Variants in SLC15A1 observed in about 807,000 individuals in gnomAD.
SLC15A1 encodes the protein solute carrier family 15 member 1.
SLC15A1 carries 83 observed loss-of-function variants against 92.9 expected under a neutral mutation model. That is an observed-to-expected ratio of 0.89 (90% CI 0.75 to 1.07). The LOEUF (loss-of-function observed/expected upper bound fraction) is 1.07, where lower values mean the gene tolerates loss of function less well. Among genes scored for constraint, SLC15A1 ranks in the 50% least tolerant of loss-of-function variants. The pLI is 0.00. For synonymous variants in SLC15A1, 322 were observed against 318.2 expected (o/e 1.01, Z -0.13); for missense variants, 857 against 880.1 (o/e 0.97, Z 0.33).
chr13:98,702,394 T>C (rs1414461456), intron 18 of SLC15A1, 86 bp downstream of exon 18: 4 of 923,900 alleles, frequency 4.3e-6, no homozygotes, highest in Middle Eastern at 2.4e-4. Context: ...TCATTTTATA[T>C]CCTTGTTACA....
chr13:98,697,906 C>A (rs2088036246), intron 18 of SLC15A1, among the ~76,000 whole-genome samples: 8 of 152,178 alleles, frequency 5.3e-5, no homozygotes, highest in Admixed American at 4.6e-4. Flanking sequence ...AGAGCCAGTG[C>A]TCCTGTTAGC....
rs142825863 is a variant in SLC15A1 at position 98,725,274 on chromosome 13, C to T, written c.245+849G>A. Among the ~76,000 whole-genome samples the T allele has an allele frequency of 2.4e-3, 373 of 152,300 alleles. 1 individual carries two copies. Among genetic ancestry groups the T allele is most frequent in the African/African-American group, 8.2e-3 (342 of 41,576 alleles). On this transcript the variant is annotated intron_variant, in intron 4 of 22. Coordinates refer to ENST00000376503, the MANE Select transcript of SLC15A1 (RefSeq NM_005073.4). The stretch of plus-strand genomic sequence containing the variant: ...AGCCTCAGGTATTCCTTTATAGCAA[C>T]ACAAGTGGACTAAGACAGCCCACGT...
intron 16 of SLC15A1, among the ~76,000 whole-genome samples, chr13:98,704,956 T>C (rs1358645236): frequency 6.6e-6 from 1 of 152,030 alleles, no homozygotes; most frequent in Non-Finnish European, 1.5e-5. Flanking sequence ...CCCAGCACTT[T>C]GGGAGGCTGA....
chr13:98,744,079 A>G (rs1432780355), intron 1 of SLC15A1, among the ~76,000 whole-genome samples: 1 of 152,056 alleles, frequency 6.6e-6, no homozygotes, highest in Admixed American at 6.5e-5. Context: ...ACCTCTACAA[A>G]AAATAACAAA....
chr13:98,707,872 G>A (rs1262982985), intron 15 of SLC15A1, among the ~76,000 whole-genome samples: 4 of 124,082 alleles, frequency 3.2e-5, no homozygotes, highest in African/African-American at 3.2e-5. Flanking sequence ...CAGCCTAGGC[G>A]ACAGAGTGAG....
At chr13:98,727,865 AC>A (rs2088315652) in intron 1 of SLC15A1, among the ~76,000 whole-genome samples, 1 of 152,190 alleles carries the variant, frequency 6.6e-6, no homozygotes. Flanking sequence ...GGCTCCCTGA[AC>A]ATGCTCCACC....
chr13:98,707,581 G>A (rs2088122582), intron 15 of SLC15A1, among the ~76,000 whole-genome samples: 1 of 152,090 alleles, frequency 6.6e-6, no homozygotes, highest in Non-Finnish European at 1.5e-5. Flanking sequence ...ACAATGGAAA[G>A]GTACTTAACG....
intron 18 of SLC15A1, among the ~76,000 whole-genome samples, chr13:98,700,938 T>G (rs1022331222): frequency 2.0e-5 from 3 of 152,236 alleles, no homozygotes. Flanking sequence ...TGTAACTTTA[T>G]AGTAAGTTTG....
intron 1 of SLC15A1, among the ~76,000 whole-genome samples, chr13:98,746,110 C>T (rs143036725): frequency 3.3e-5 from 5 of 152,254 alleles, no homozygotes; most frequent in East Asian, 3.9e-4. Context: ...GCTGCTTATA[C>T]GTGGGAAAAT....
intron 7 of SLC15A1, chr13:98,721,083 C>T (rs1163850452): frequency 4.3e-6 from 2 of 470,526 alleles, no homozygotes; most frequent in African/African-American, 4.0e-5. Context: ...AAAATCAATA[C>T]AATTTTGCCC....
At chr13:98,743,037 G>A (rs577160729) in intron 1 of SLC15A1, among the ~76,000 whole-genome samples, 13 of 152,286 alleles carry the variant, frequency 8.5e-5, no homozygotes, top group Admixed American at 2.6e-4. Context: ...GCCTCCCAAA[G>A]TGCTGAGATT....
intron 18 of SLC15A1, among the ~76,000 whole-genome samples, chr13:98,695,856 A>T (rs1160542237): frequency 6.6e-6 from 1 of 152,026 alleles, no homozygotes; most frequent in Non-Finnish European, 1.5e-5. Flanking sequence ...CAGAAGTCTG[A>T]CTTCCTGAGA....
chr13:98,751,900 G>A (rs952189960), intron 1 of SLC15A1, among the ~76,000 whole-genome samples: 3 of 152,154 alleles, frequency 2.0e-5, no homozygotes, highest in South Asian at 2.1e-4. Context: ...AGAAAGCAGC[G>A]GGCTGGGCTG....
At chr13:98,691,768 C>T (rs934617639) in intron 18 of SLC15A1, among the ~76,000 whole-genome samples, 8 of 152,140 alleles carry the variant, frequency 5.3e-5, no homozygotes, top group Non-Finnish European at 8.8e-5. Context: ...TGTATTATAA[C>T]CTCCAATGAA....
At position 98,730,583 on chromosome 13, in the gene SLC15A1, C is replaced by A. The variant is rs2088342659; in HGVS notation, c.5-3724G>T. Among the ~76,000 whole-genome samples, 6 of 152,172 alleles carry A rather than the reference C, an allele frequency of 3.9e-5. 1 individual carries two copies. The South Asian group carries it at 1.2e-3, about 32-fold the overall frequency. ...GGTGAGCCCATCTGTTTCGGGCCAG[C>A]CGAACAACCAAATGAGGATGACCTC... On this transcript the variant is annotated intron_variant, in intron 1 of 22. Coordinates refer to ENST00000376503, the MANE Select transcript of SLC15A1 (RefSeq NM_005073.4).
intron 1 of SLC15A1, among the ~76,000 whole-genome samples, chr13:98,746,547 T>C (rs1285422472): frequency 6.6e-6 from 1 of 152,204 alleles, no homozygotes; most frequent in Admixed American, 6.5e-5. Context: ...AACGTTTATT[T>C]CCTCAAGAAC....
chr13:98,722,175 T>G (rs1276339723), intron 5 of SLC15A1, among the ~76,000 whole-genome samples: 1 of 152,228 alleles, frequency 6.6e-6, no homozygotes, highest in Non-Finnish European at 1.5e-5. Context: ...GGTTTGGGGT[T>G]CTTTTGTAGC....
intron 1 of SLC15A1, among the ~76,000 whole-genome samples, chr13:98,727,102 C>T (rs556807454): frequency 1.3e-5 from 2 of 152,306 alleles, no homozygotes; most frequent in Admixed American, 6.5e-5. Flanking sequence ...TGAGAAGCAG[C>T]AGCTCAGAGA....
intron 18 of SLC15A1, among the ~76,000 whole-genome samples, chr13:98,696,968 GAGGAGACAGGCCTC>G: frequency 6.6e-6 from 1 of 152,294 alleles, no homozygotes; most frequent in Admixed American, 6.5e-5. Context: ...TTTACAAGCC[GAGGAGACAGGCCTC>G]AGGAGAAACC....
Sources: gnomAD v4.1 joint callset for allele counts (sites outside exome capture counted in the v4.1 genomes callset) on GRCh38, gnomAD v4.1.1 for gene constraint, MANE v1.5 for transcripts, NCBI Gene and HGNC (gene_info 2026-07-23, HGNC 2026-07-21) for gene names.